The following JAKMIP1 variants were observed in gnomAD, a reference collection of about 807,000 sequenced individuals.
JAKMIP1 encodes the protein janus kinase and microtubule interacting protein 1.
A neutral mutation model predicts 113.0 loss-of-function variants in JAKMIP1; 33 were observed. The observed-to-expected ratio is 0.29, with a 90% CI of 0.22 to 0.39. The LOEUF is 0.39. JAKMIP1 is among the 10% of genes least tolerant of loss of function. JAKMIP1 has a pLI of 1.00. For synonymous variants in JAKMIP1, 480 were observed against 459.9 expected, an observed-to-expected ratio of 1.04 and a Z score of -0.56; for missense variants, 813 against 1,080.5, an observed-to-expected ratio of 0.75 and a Z score of 3.47.
chr4:6,196,859 C>A (rs1727902138), intron 1 of JAKMIP1, among the ~76,000 whole-genome samples: 2 of 136,128 alleles, frequency 1.5e-5, no homozygotes, highest in African/African-American at 5.5e-5. Flanking sequence ...GAAACTCTGT[C>A]AAAAAAAAAA....
At chr4:6,062,565 T>TA in intron 9 of JAKMIP1, 125 bp from the exon 10 acceptor site, 1 of 1,050,422 alleles carries the variant, frequency 9.5e-7, no homozygotes, top group Non-Finnish European at 1.4e-6. Flanking sequence ...AGGGTCAACT[T>TA]AGACATCAAA....
rs189842204 is a variant in JAKMIP1 at position 6,153,659 on chromosome 4, C to T, written c.-147-40662G>A. On this transcript the variant is annotated intron_variant, in intron 1 of 20. Transcript: ENST00000409021. This position sits in a 1 kb window ranked among gnomAD's most constrained non-coding sequence, Gnocchi z 4.9. Reference sequence around the variant, plus strand: ...TTCCCGTGTGCCCCTCGGCACCTTACCTTTATGTGCTTAGTACTTTTCTTT... The same window carrying T: ...TTCCCGTGTGCCCCTCGGCACCTTATCTTTATGTGCTTAGTACTTTTCTTT... 5.9e-5 allele frequency among the ~76,000 whole-genome samples: 9 copies of T among 152,276 alleles called. No individual in the cohort carries two copies.
chr4:6,031,786 G>T lies in JAKMIP1; in HGVS notation c.2380-2005C>A, dbSNP rs1410418952. 6.6e-6 allele frequency among the ~76,000 whole-genome samples: 1 copy of T among 152,222 alleles called. No homozygotes were observed. Among genetic ancestry groups the T allele is most frequent in the Non-Finnish European group, 1.5e-5 (1 of 68,044 alleles). ...GATTCTCTCAGATCTGTGACCTTGG[G>T]CAGTTATTCTGCCTCCCTGAGGCTT... On this transcript the variant is annotated intron_variant, in intron 19 of 20. Transcript: ENST00000409021. The surrounding 1 kb of genome is among the most constrained non-coding windows in gnomAD (Gnocchi z 4.4).
chr4:6,136,485 T>C lies in JAKMIP1; in HGVS notation c.-147-23488A>G, dbSNP rs563376718. Among the ~76,000 whole-genome samples the C allele has an allele frequency of 7.9e-5, 12 of 152,246 alleles. No individual in the cohort carries two copies. Among genetic ancestry groups the C allele is most frequent in the African/African-American group, 2.6e-4 (11 of 41,552 alleles). On this transcript the variant is annotated intron_variant, in intron 1 of 20. Coordinates refer to ENST00000409021, the MANE Select transcript of JAKMIP1 (RefSeq NM_001099433.2). The surrounding 1 kb of genome is among the most constrained non-coding windows in gnomAD (Gnocchi z 5.9). ...TATCAGTCCAGAGTGATCTATTTAA[T>C]CTCTCAAGGTCCCAAGAGGGAGGCC...
rs1332116907 is a variant in JAKMIP1, at chr4:6,176,728, C to A, written c.-148+23525G>T. On this transcript the variant is annotated intron_variant, in intron 1 of 20. Transcript: ENST00000409021. This position sits in a 1 kb window ranked among gnomAD's most constrained non-coding sequence, Gnocchi z 5.5. ...CTGTGTGGCCAGCAAGAAATTGGAG[C>A]CTATATCAAAGTGGTGGGAAAAGCT... is the stretch of plus-strand genomic sequence containing the variant. Among the ~76,000 whole-genome samples, 1 of 152,090 alleles carries A rather than the reference C, an allele frequency of 6.6e-6. No homozygotes were observed. The highest frequency in any genetic ancestry group is 2.4e-5 in the African/African-American group (1 of 41,388).
intron 3 of JAKMIP1, among the ~76,000 whole-genome samples, 189 bp downstream of exon 3, chr4:6,105,284 G>C (rs1460392514): frequency 6.6e-6 from 1 of 152,212 alleles, no homozygotes; most frequent in East Asian, 1.9e-4. Flanking sequence ...ATGGGGAACT[G>C]TTCTTTGAGC....
At position 6,157,510 on chromosome 4, in the gene JAKMIP1, T is replaced by C. The variant is rs1009927386; in HGVS notation, c.-148+42743A>G. On this transcript the variant is annotated intron_variant, in intron 1 of 20. Coordinates refer to ENST00000409021, the MANE Select transcript of JAKMIP1 (RefSeq NM_001099433.2). The surrounding 1 kb of genome is among the most constrained non-coding windows in gnomAD (Gnocchi z 4.7). ...TTCAAATCAAACTTCAGCGTACACTTTCCGTAACACCTTTTTTGACTAAGA... is the reference window on the plus strand; with the variant it reads ...TTCAAATCAAACTTCAGCGTACACTCTCCGTAACACCTTTTTTGACTAAGA... Among the ~76,000 whole-genome samples, 7 of 152,304 alleles carry C rather than the reference T, an allele frequency of 4.6e-5. No individual in the cohort carries two copies. Among genetic ancestry groups the C allele is most frequent in the Middle Eastern group, 6.8e-3 (2 of 294 alleles).
At chr4:6,113,348 G>A (rs970250335) in intron 1 of JAKMIP1, among the ~76,000 whole-genome samples, 1 of 152,216 alleles carries the variant, frequency 6.6e-6, no homozygotes, top group African/African-American at 2.4e-5. Flanking sequence ...CAGTGAGCCT[G>A]TGTCTCCCAA....
Position 6,084,915 on chromosome 4 carries a change from A to G in JAKMIP1, c.885T>C (p.Ala295=). 1 of 1,597,418 alleles carries G rather than the reference A, an allele frequency of 6.3e-7. No individual in the cohort carries two copies. The highest frequency in any genetic ancestry group is 8.5e-7 in the Non-Finnish European group (1 of 1,174,522). ...GCTTCCGTATCACTGAATTCAGTTC[A>G]GCAATTTTTAGTTGAAATCGCCTCA... ...RDVRRFQLKI[A]ELNSVIRKLE... is the part of the protein sequence containing the mutation. The change falls in exon 5 of 21, where the codon GCT becomes GCC. Residue 295 remains alanine (A), a synonymous_variant. Transcript: ENST00000409021.
At chr4:6,130,485 C>T (rs1718346040) in intron 1 of JAKMIP1, among the ~76,000 whole-genome samples, 1 of 152,182 alleles carries the variant, frequency 6.6e-6, no homozygotes, top group African/African-American at 2.4e-5. Context: ...TGCATCATGT[C>T]TGGCTCTCAA....
At chr4:6,036,201 G>C in intron 18 of JAKMIP1, 94 bp from the exon 19 acceptor site, 16 of 1,008,742 alleles carry the variant, frequency 1.6e-5, no homozygotes, top group Non-Finnish European at 1.9e-5. Context: ...GAGCCAGGGA[G>C]GGGGGTTTCG....
Position 6,080,007 on chromosome 4 carries a change from G to A in JAKMIP1, c.1242+165C>T, listed in dbSNP as rs569606883. Reference sequence around the variant, plus strand: ...AGGCTGCTTAGTGGCAGAATGAAGCGGGAATGTGCACACCAGGGTGAGCTT... The same window carrying A: ...AGGCTGCTTAGTGGCAGAATGAAGCAGGAATGTGCACACCAGGGTGAGCTT... On this transcript the variant is annotated intron_variant, in intron 7 of 20. Transcript: ENST00000409021. The surrounding 1 kb of genome is among the most constrained non-coding windows in gnomAD (Gnocchi z 6.0). 4.8e-4 allele frequency among the ~76,000 whole-genome samples: 73 copies of A among 152,342 alleles called. 1 individual carries two copies. Among genetic ancestry groups the A allele is most frequent in the Admixed American group, 7.2e-4 (11 of 15,296 alleles).
intron 1 of JAKMIP1, among the ~76,000 whole-genome samples, chr4:6,160,131 T>C (rs1722734103): frequency 6.6e-6 from 1 of 151,942 alleles, no homozygotes; most frequent in African/African-American, 2.4e-5. Flanking sequence ...AAAAAAGAAC[T>C]GAGGAAACAG....
At chr4:6,163,662 T>C (rs1004783237) in intron 1 of JAKMIP1, among the ~76,000 whole-genome samples, 1 of 152,196 alleles carries the variant, frequency 6.6e-6, no homozygotes, top group African/African-American at 2.4e-5. Context: ...AAAGCTGAGA[T>C]AAGGTGAAAG....
rs1472656605 is a variant in JAKMIP1 at position 6,141,024 on chromosome 4, C to T, written c.-147-28027G>A. Among the ~76,000 whole-genome samples the T allele has an allele frequency of 6.6e-6, 1 of 152,200 alleles. No individual in the cohort carries two copies. The highest frequency in any genetic ancestry group is 2.4e-5 in the African/African-American group (1 of 41,430). ...GCCCTGTGGGCCAGGCATCTGGGAC[C>T]TGTAACCTCAGCAGCCAGCATGGGC... On this transcript the variant is annotated intron_variant, in intron 1 of 20. Coordinates refer to ENST00000409021, the MANE Select transcript of JAKMIP1 (RefSeq NM_001099433.2). This position sits in a 1 kb window ranked among gnomAD's most constrained non-coding sequence, Gnocchi z 9.4.
In JAKMIP1 at chr4:6,050,164, G is replaced by A. The variant is rs1560110189; in HGVS notation, c.1909-292C>T. On this transcript the variant is annotated intron_variant, in intron 14 of 20. Transcript: ENST00000409021. This position sits in a 1 kb window ranked among gnomAD's most constrained non-coding sequence, Gnocchi z 7.4. Reference sequence around the variant, plus strand: ...AGGGCTCTAGGACACGGTAAACCCCGGGCCCTTCTAGCAACCACAGCCACC... The same window carrying A: ...AGGGCTCTAGGACACGGTAAACCCCAGGCCCTTCTAGCAACCACAGCCACC... 2.6e-5 allele frequency among the ~76,000 whole-genome samples: 4 copies of A among 152,166 alleles called. No individual in the cohort carries two copies. Among genetic ancestry groups the A allele is most frequent in the Admixed American group, 2.0e-4 (3 of 15,276 alleles).
chr4:6,060,584 T>A, intron 10 of JAKMIP1, 77 bp from the exon 11 acceptor site: 1 of 1,034,240 alleles, frequency 9.7e-7, no homozygotes, highest in Non-Finnish European at 1.5e-6. Flanking sequence ...CATGCCCCAA[T>A]GCAAGCAATG....
chr4:6,095,130 G>C (rs1335834621), intron 3 of JAKMIP1, among the ~76,000 whole-genome samples: 1 of 148,444 alleles, frequency 6.7e-6, no homozygotes, highest in African/African-American at 2.5e-5. Context: ...AAAAGAAAGA[G>C]GGAAATGAAA....
rs1197859872 is a variant in JAKMIP1 at position 6,184,649 on chromosome 4, G to GTGAT, written c.-148+15600_-148+15603dup. ...CTGTAGATTCAGCAAGAGAGCAGGG[G>GTGAT]TGATTGTGCCTATCGAAGGGAAGCA... On this transcript the variant is annotated intron_variant, in intron 1 of 20. Transcript: ENST00000409021. This position sits in a 1 kb window ranked among gnomAD's most constrained non-coding sequence, Gnocchi z 4.5. 6.6e-6 allele frequency among the ~76,000 whole-genome samples: 1 copy of GTGAT among 152,252 alleles called. No homozygotes were observed. The highest frequency in any genetic ancestry group is 6.5e-5 in the Admixed American group (1 of 15,286).
Sources: allele counts gnomAD v4.1 joint callset (sites outside exome capture counted in the v4.1 genomes callset), GRCh38; gene constraint gnomAD v4.1.1; non-coding constraint Gnocchi (gnomAD v3.1); transcripts MANE v1.5; gene names NCBI Gene and HGNC (gene_info 2026-07-23, HGNC 2026-07-21).